Variants in MDN1 observed in about 807,000 individuals in gnomAD.
The protein encoded by MDN1 is midasin.
In MDN1, 266 loss-of-function variants were observed where a neutral mutation model predicts 669.2. The ratio of observed to expected loss-of-function variants is 0.40; its 90% CI spans 0.36 to 0.44. The LOEUF (loss-of-function observed/expected upper bound fraction) is 0.44, where lower values mean the gene tolerates loss of function less well. MDN1 is among the 20% of genes least tolerant of loss of function. The probability of loss-of-function intolerance (pLI) is 1.00; values close to 1 mark genes in which losing one functional copy is unlikely to be tolerated. For synonymous variants in MDN1, 2,385 were observed against 2,457.1 expected (o/e 0.97, Z 0.87); for missense variants, 5,940 against 6,754.0 (o/e 0.88, Z 4.22).
At chr6:89,683,809 C>T in intron 72 of MDN1, 22 bp downstream of exon 72, 2 of 1,597,122 alleles carry the variant, frequency 1.3e-6, no homozygotes, top group Non-Finnish European at 1.7e-6. Context: ...TTGGTTGTCT[C>T]CAGTTTTAAA....
At chr6:89,690,367 G>A (rs1812301767) in intron 64 of MDN1, among the ~76,000 whole-genome samples, 1 of 151,626 alleles carries the variant, frequency 6.6e-6, no homozygotes, top group South Asian at 2.1e-4. Context: ...GAGGTCAGGA[G>A]TTTGAGACAG....
intron 56 of MDN1, 101 bp downstream of exon 56, chr6:89,700,545 C>T: frequency 2.5e-6 from 3 of 1,180,464 alleles, no homozygotes; most frequent in East Asian, 2.4e-5. Flanking sequence ...CTACCCCTCA[C>T]ATCACCCAGA....
intron 33 of MDN1, among the ~76,000 whole-genome samples, chr6:89,733,086 T>C (rs1815707616): frequency 6.6e-6 from 1 of 152,256 alleles, no homozygotes; most frequent in Non-Finnish European, 1.5e-5. Flanking sequence ...GGACACAGTT[T>C]TGAACTTCTA....
intron 68 of MDN1, 82 bp from the exon 69 acceptor site, chr6:89,687,105 C>T: frequency 1.3e-6 from 2 of 1,563,078 alleles, no homozygotes; most frequent in Non-Finnish European, 1.7e-6. Context: ...GCTACATGCT[C>T]ACATTTCTCT....
Position 89,676,092 on chromosome 6 carries a change from A to G in MDN1, c.12645+10T>C, listed in dbSNP as rs1299444245. 1.2e-6 allele frequency: 2 copies of G among 1,612,520 alleles called. No individual in the cohort carries two copies. Among genetic ancestry groups the G allele is most frequent in the East Asian group, 4.5e-5 (2 of 44,872 alleles). ...TGAGCCCCTGCAAGACTCATGTTCT[A>G]TCATTCTACCTTGGCAGGAGTTGCT... On this transcript the variant is annotated intron_variant, in intron 77 of 101. Coordinates refer to ENST00000369393, the MANE Select transcript of MDN1 (RefSeq NM_014611.3).
At chr6:89,797,955 T>C (rs899389328) in intron 2 of MDN1, 6 of 167,944 alleles carry the variant, frequency 3.6e-5, no homozygotes, top group Non-Finnish European at 7.6e-5. Context: ...CCGAGGCAAG[T>C]GGATCACGAG....
In MDN1 at chr6:89,719,002, C is replaced by A; in HGVS notation, c.6086G>T (p.Ser2029Ile). Residue 2029 changes from serine to isoleucine, a missense_variant, in exon 42 of 102, where the codon AGC becomes ATC. Ser to Ile is a moderately radical substitution (Grantham distance 142). Coordinates refer to ENST00000369393, the MANE Select transcript of MDN1 (RefSeq NM_014611.3). ...ATGGCGGGACGGGTGAGGAACACAG[C>A]TCCCACGGGAAAGGACTGAGTAGCC... ...QLGYSVLSRG[S>I]CVPHPSRHPL... 4 of 1,614,180 alleles carry A rather than the reference C, an allele frequency of 2.5e-6. No homozygotes were observed. Among genetic ancestry groups the A allele is most frequent in the Non-Finnish European group, 3.4e-6 (4 of 1,180,024 alleles).
intron 88 of MDN1, among the ~76,000 whole-genome samples, chr6:89,660,220 C>A (rs951593055): frequency 2.0e-5 from 3 of 152,130 alleles, no homozygotes; most frequent in South Asian, 2.1e-4. Context: ...GAGTCTCGTT[C>A]TGTCACCCAA....
intron 61 of MDN1, among the ~76,000 whole-genome samples, chr6:89,694,385 T>C (rs1388078120): frequency 6.6e-6 from 1 of 152,210 alleles, no homozygotes; most frequent in Non-Finnish European, 1.5e-5. Flanking sequence ...TTTACACCAC[T>C]GAATTTTTTA....
In MDN1 at chr6:89,812,000, T is replaced by C. The variant is rs964540539; in HGVS notation, c.102+7506A>G. On this transcript the variant is annotated intron_variant, in intron 1 of 101. Coordinates refer to ENST00000369393, the MANE Select transcript of MDN1 (RefSeq NM_014611.3). Reference sequence around the variant, plus strand: ...AATACAAGAAAAAACTTTTTTTTTTTTTCTGAGATGGAGTCTCGCTCTATT... The same window carrying C: ...AATACAAGAAAAAACTTTTTTTTTTCTTCTGAGATGGAGTCTCGCTCTATT... 4.5e-4 allele frequency among the ~76,000 whole-genome samples: 68 copies of C among 152,010 alleles called. 1 individual carries two copies. Among genetic ancestry groups the C allele is most frequent in the African/African-American group, 1.6e-3 (66 of 41,396 alleles).
In MDN1 at chr6:89,655,881, CCA is replaced by C; in HGVS notation, c.15371_15372del (p.Val5124GlyfsTer28). 1 of 1,614,142 alleles carries C rather than the reference CCA, an allele frequency of 6.2e-7. No individual in the cohort carries two copies. The highest frequency in any genetic ancestry group is 8.5e-7 in the Non-Finnish European group (1 of 1,180,034). ...CCCTGCTCGGCATGGCTGTCCGTAT[CCA>C]CAGTCCTCAGCCTCTTGTGCACACG... ...NERVHKRLRT[V>X]DTDSHAEQGP... On this transcript the variant is annotated frameshift_variant, in exon 92 of 102. Coordinates refer to ENST00000369393, the MANE Select transcript of MDN1 (RefSeq NM_014611.3). LOFTEE classifies it high-confidence loss of function.
chr6:89,810,253 C>T (rs12189854), intron 1 of MDN1, among the ~76,000 whole-genome samples: 23,997 of 151,114 alleles, frequency 0.16, 2,276 homozygotes, highest in Non-Finnish European at 0.22. Flanking sequence ...CTGAGCAATA[C>T]GGTGAAACCC....
chr6:89,712,358 A>G (rs1399940122), intron 48 of MDN1, 102 bp from the exon 49 acceptor site: 3 of 1,172,396 alleles, frequency 2.6e-6, no homozygotes, highest in Non-Finnish European at 3.6e-6. Context: ...GATCAAAGGT[A>G]AGAGAGAAAA....
Position 89,695,522 on chromosome 6 carries a change from A to G in MDN1, c.9771+83T>C, listed in dbSNP as rs1042181131. ...ATGCTTGTGATGATCTGAGCACCCA[A>G]AAGGGAATAAAAGGAGTAATACAAT... is the stretch of plus-strand genomic sequence containing the variant. On this transcript the variant is annotated intron_variant, in intron 61 of 101. Coordinates refer to ENST00000369393, the MANE Select transcript of MDN1 (RefSeq NM_014611.3). This position sits in a 1 kb window ranked among gnomAD's most constrained non-coding sequence, Gnocchi z 4.1. The G allele has an allele frequency of 6.7e-7, 1 of 1,492,018 alleles. No individual in the cohort carries two copies. Among genetic ancestry groups the G allele is most frequent in the African/African-American group, 1.4e-5 (1 of 71,300 alleles). The allele number at this position is 1,492,018 out of a possible 1,614,324, so 92.4% of individuals were successfully genotyped here. A position where few individuals can be genotyped will look rare whatever the true frequency, so the allele number is the denominator to read the frequency against.
chr6:89,733,855 CAG>C (rs138265667), intron 33 of MDN1, among the ~76,000 whole-genome samples: 182 of 151,928 alleles, frequency 1.2e-3, no homozygotes, highest in African/African-American at 4.2e-3. Context: ...GAAACAAAAT[CAG>C]AGAGAAATAG....
At chr6:89,677,456 T>G (rs1229200739) in intron 76 of MDN1, 114 bp downstream of exon 76, 1 of 1,337,642 alleles carries the variant, frequency 7.5e-7, no homozygotes, top group Non-Finnish European at 1.0e-6. Context: ...TTGTAAGTGG[T>G]AGCCACAGTG....
chr6:89,747,263 T>C (rs1816683406), intron 27 of MDN1, 66 bp downstream of exon 27: 1 of 1,557,258 alleles, frequency 6.4e-7, no homozygotes, highest in South Asian at 1.2e-5. Context: ...GAGGCAAGAT[T>C]TGTTTTAATA....
chr6:89,714,764 C>A lies in MDN1; in HGVS notation c.6861-13G>T, dbSNP rs1302741480. 3.1e-6 allele frequency: 5 copies of A among 1,597,378 alleles called. No individual in the cohort carries two copies. In the South Asian group the frequency reaches 4.5e-5, roughly 14 times the overall value. ...CGAGAGGAAAAGTCTAGAAAAATAG[C>A]AATTCAAAGAAAAAAATGATTTTAA... On this transcript the variant is annotated splice_polypyrimidine_tract_variant and intron_variant, in intron 45 of 101. Coordinates refer to ENST00000369393, the MANE Select transcript of MDN1 (RefSeq NM_014611.3).
At chr6:89,682,630 C>T (rs185478039) in intron 73 of MDN1, among the ~76,000 whole-genome samples, 1 of 147,718 alleles carries the variant, frequency 6.8e-6, no homozygotes. Context: ...ATGGCATGAA[C>T]CCAGGAGGCG....
Sources: allele counts gnomAD v4.1 joint callset (sites outside exome capture counted in the v4.1 genomes callset), GRCh38; gene constraint gnomAD v4.1.1; non-coding constraint Gnocchi (gnomAD v3.1); transcripts MANE v1.5; gene names NCBI Gene and HGNC (gene_info 2026-07-23, HGNC 2026-07-21).